Variants in LRRC49 observed in about 807,000 individuals in gnomAD.
LRRC49 encodes the protein leucine-rich repeat-containing protein 49.
LRRC49 carries 50 observed loss-of-function variants against 83.3 expected under a neutral mutation model. That is an observed-to-expected ratio of 0.60 (90% CI 0.48 to 0.76). LRRC49 has a LOEUF of 0.76. LRRC49 is among the 30% of genes least tolerant of loss of function. The probability of loss-of-function intolerance (pLI) is 0.00; values close to 1 mark genes in which losing one functional copy is unlikely to be tolerated. For synonymous variants in LRRC49, 286 were observed against 283.3 expected (o/e 1.01, Z -0.10); for missense variants, 704 against 809.1 (o/e 0.87, Z 1.58).
At chr15:71,037,358 T>C (rs926455427) in intron 15 of LRRC49, 26 bp downstream of exon 15, 20 of 1,562,858 alleles carry the variant, frequency 1.3e-5, no homozygotes, top group Non-Finnish European at 1.6e-5. Context: ...ATCTTTGCGA[T>C]CTAATGCCAG....
intron 15 of LRRC49, among the ~76,000 whole-genome samples, chr15:71,039,067 C>T (rs376144375): frequency 6.6e-6 from 1 of 151,702 alleles, no homozygotes; most frequent in Non-Finnish European, 1.5e-5. Flanking sequence ...AAATGATGGC[C>T]GATATGAGTC....
intron 9 of LRRC49, among the ~76,000 whole-genome samples, chr15:70,968,738 T>C (rs966484174): frequency 6.6e-6 from 1 of 152,252 alleles, no homozygotes; most frequent in African/African-American, 2.4e-5. Context: ...TGACCAGTGA[T>C]GATGAGCTTT....
Position 70,901,709 on chromosome 15 carries a change from G to C in LRRC49, c.296+685G>C, listed in dbSNP as rs140608516. Among the ~76,000 whole-genome samples, 1,136 of 152,082 alleles carry C rather than the reference G, an allele frequency of 7.5e-3. 6 individuals carry two copies. The highest frequency in any genetic ancestry group is 0.014 in the Admixed American group (210 of 15,270). Reference sequence around the variant, plus strand: ...AATAACTATTTACTTATTATGTTTAGTGTCTGTCTCCTACTAGAATATATG... The same window carrying C: ...AATAACTATTTACTTATTATGTTTACTGTCTGTCTCCTACTAGAATATATG... On this transcript the variant is annotated intron_variant, in intron 4 of 15. Transcript: ENST00000260382.
chr15:70,972,845 A>G (rs2037060121), intron 9 of LRRC49, among the ~76,000 whole-genome samples: 1 of 152,014 alleles, frequency 6.6e-6, no homozygotes, highest in Non-Finnish European at 1.5e-5. Flanking sequence ...CAGGTCATTT[A>G]TGTTCTTCTC....
intron 14 of LRRC49, among the ~76,000 whole-genome samples, chr15:71,020,758 A>G (rs768189521): frequency 2.0e-5 from 3 of 152,344 alleles, no homozygotes; most frequent in African/African-American, 7.2e-5. Flanking sequence ...GACATTTGAA[A>G]CAAAATAATA....
chr15:70,936,517 G>A (rs2035602757), intron 7 of LRRC49: 8 of 390,820 alleles, frequency 2.0e-5, no homozygotes, highest in South Asian at 1.9e-4. Flanking sequence ...TAGCGGCAGC[G>A]TCTCTCCCTG....
At chr15:70,951,258 C>G (rs1401958904) in intron 8 of LRRC49, among the ~76,000 whole-genome samples, 6 of 151,814 alleles carry the variant, frequency 4.0e-5, no homozygotes, top group African/African-American at 1.5e-4. Flanking sequence ...TTTGGTTCCT[C>G]CATATAGATT....
chr15:71,006,508 T>A (rs1273743930), intron 11 of LRRC49, among the ~76,000 whole-genome samples: 1 of 152,160 alleles, frequency 6.6e-6, no homozygotes, highest in Non-Finnish European at 1.5e-5. Context: ...TCTATATCAC[T>A]GATTCTGCCC....
chr15:70,983,608 G>T (rs545541010), intron 10 of LRRC49, among the ~76,000 whole-genome samples: 10 of 151,924 alleles, frequency 6.6e-5, no homozygotes, highest in Middle Eastern at 3.2e-3. Flanking sequence ...TGAGAAACTT[G>T]GAACATTGAT....
chr15:70,999,820 T>C (rs2038199589), intron 11 of LRRC49, among the ~76,000 whole-genome samples: 1 of 152,218 alleles, frequency 6.6e-6, no homozygotes, highest in Non-Finnish European at 1.5e-5. Flanking sequence ...CTTTGTCCAA[T>C]GTGGTGGCAG....
chr15:70,953,654 A>T (rs529037133), intron 8 of LRRC49, among the ~76,000 whole-genome samples: 1 of 151,994 alleles, frequency 6.6e-6, no homozygotes, highest in Admixed American at 6.6e-5. Flanking sequence ...TTGAATTTGT[A>T]TATCACCCTC....
intron 14 of LRRC49, among the ~76,000 whole-genome samples, chr15:71,025,480 T>G (rs996135777): frequency 2.0e-5 from 3 of 152,134 alleles, no homozygotes; most frequent in Non-Finnish European, 4.4e-5. Flanking sequence ...AATAACCAGC[T>G]AGCATCATGA....
chr15:71,019,199 C>T (rs1439844806), intron 14 of LRRC49, among the ~76,000 whole-genome samples: 1 of 152,158 alleles, frequency 6.6e-6, no homozygotes, highest in Non-Finnish European at 1.5e-5. Flanking sequence ...CTCCTCTCCC[C>T]TCCCCAGAGG....
intron 1 of LRRC49, chr15:70,893,292 C>G: frequency 5.4e-6 from 3 of 552,054 alleles, no homozygotes; most frequent in South Asian, 4.7e-5. Flanking sequence ...CTTCACCTGT[C>G]TCATTGAGAT....
intron 9 of LRRC49, 56 bp downstream of exon 9, chr15:70,963,988 A>G: frequency 6.6e-7 from 1 of 1,521,736 alleles, no homozygotes; most frequent in Non-Finnish European, 9.0e-7. Context: ...GGATTAGGAA[A>G]TTGGGATGCA....
intron 11 of LRRC49, among the ~76,000 whole-genome samples, chr15:70,990,592 G>T (rs2037836249): frequency 6.6e-6 from 1 of 152,218 alleles, no homozygotes. Context: ...CTTCCCAAGT[G>T]AGGCAATGCC....
At chr15:70,863,975 C>T (rs1054429766) in intron 1 of LRRC49, among the ~76,000 whole-genome samples, 2 of 152,136 alleles carry the variant, frequency 1.3e-5, no homozygotes, top group African/African-American at 4.8e-5. Flanking sequence ...CAGGAGGAGA[C>T]TTTGGTGCCT....
At chr15:70,873,467 C>T (rs1032283351) in intron 2 of LRRC49, among the ~76,000 whole-genome samples, 2 of 152,148 alleles carry the variant, frequency 1.3e-5, no homozygotes, top group Non-Finnish European at 2.9e-5. Flanking sequence ...ATTTAATGGC[C>T]TAAAATACAA....
intron 11 of LRRC49, among the ~76,000 whole-genome samples, chr15:71,004,740 T>C (rs1444029374): frequency 6.6e-6 from 1 of 151,970 alleles, no homozygotes. Context: ...GATCATGTTA[T>C]TTTCAGGGAC....
Sources: gnomAD v4.1 joint callset for allele counts (sites outside exome capture counted in the v4.1 genomes callset) on GRCh38, gnomAD v4.1.1 for gene constraint, MANE v1.5 for transcripts, NCBI Gene and HGNC (gene_info 2026-07-23, HGNC 2026-07-21) for gene names.